SRP72: variants seen among roughly 807,000 people sequenced by gnomAD.
SRP72 encodes signal recognition particle subunit SRP72.
In SRP72, 49 loss-of-function variants were observed where a neutral mutation model predicts 96.3. That is an observed-to-expected ratio of 0.51 (90% CI 0.40 to 0.65). The LOEUF is 0.65. SRP72 is among the 30% of genes least tolerant of loss of function. SRP72 has a pLI of 0.00. For synonymous variants in SRP72, 267 were observed against 275.2 expected (o/e 0.97, Z 0.30); for missense variants, 736 against 793.3 (o/e 0.93, Z 0.87).
intron 3 of SRP72, among the ~76,000 whole-genome samples, chr4:56,472,348 CT>C (rs11332013): frequency 0.38 from 46,365 of 123,058 alleles, 8,567 homozygotes; most frequent in East Asian, 0.61. Context: ...TAAAGTTTTT[CT>C]TTTTTTTTTT....
rs56746539 is a variant in SRP72 at position 56,476,869 on chromosome 4, A to G, written c.642+167A>G. ...TATCAGTTATTTGATGAAGTCTACT[A>G]GAGTGAGAAATCACAATACAAAAAA... is the stretch of plus-strand genomic sequence containing the variant. On this transcript the variant is annotated intron_variant, in intron 6 of 18. Coordinates refer to ENST00000642900, the MANE Select transcript of SRP72 (RefSeq NM_006947.4). The G allele has an allele frequency of 7.6e-4, 485 of 639,648 alleles. 6 individuals carry two copies. In the African/African-American group the frequency reaches 8.4e-3, roughly 11 times the overall value. 39.6% of individuals were successfully genotyped at this position (639,648 alleles called of 1,614,324 possible).
chr4:56,468,547 T>C (rs1449358827), intron 1 of SRP72, among the ~76,000 whole-genome samples: 2 of 152,072 alleles, frequency 1.3e-5, no homozygotes, highest in East Asian at 3.9e-4. Context: ...AGCCTGTGCA[T>C]GTTAGATTTG....
chr4:56,484,051 T>TTTTTTTTTTTTTTTTCC (rs1560682047), intron 9 of SRP72, among the ~76,000 whole-genome samples: 2 of 142,716 alleles, frequency 1.4e-5, no homozygotes, highest in African/African-American at 5.3e-5. Context: ...TTTTTTTTTT[T>TTTTTTTTTTTTTTTTCC]GAGATGGAGT....
At chr4:56,474,534 T>TTC in intron 5 of SRP72, 143 bp downstream of exon 5, 1 of 755,864 alleles carries the variant, frequency 1.3e-6, no homozygotes, top group Admixed American at 3.0e-5. Context: ...CCTGTCGTCT[T>TTC]TCTCTCTCTT....
Position 56,490,689 on chromosome 4 carries a change from A to T in SRP72, c.1502+44A>T, listed in dbSNP as rs370416637. ...TTCCTTACAGCTCCTCAGTAGCACA[A>T]TAGATCTCTTCTGATATCTGTGTTT... On this transcript the variant is annotated intron_variant, in intron 15 of 18. Transcript: ENST00000642900. 7.4e-6 allele frequency: 11 copies of T among 1,482,896 alleles called. No individual in the cohort carries two copies. In the African/African-American group the frequency reaches 1.4e-4, roughly 19 times the overall value. 91.9% of individuals were successfully genotyped at this position (1,482,896 alleles called of 1,614,324 possible).
intron 8 of SRP72, among the ~76,000 whole-genome samples, chr4:56,480,286 T>C (rs1206489056): frequency 2.0e-5 from 3 of 152,062 alleles, no homozygotes; most frequent in African/African-American, 2.4e-5. Context: ...TCCCCCAAGA[T>C]GGAGTCTCTG....
intron 15 of SRP72, 21 bp from the exon 16 acceptor site, chr4:56,491,410 T>C: frequency 1.9e-6 from 3 of 1,610,420 alleles, no homozygotes; most frequent in Non-Finnish European, 1.7e-6. Flanking sequence ...ATTATGTTCC[T>C]GAACTCCTGT....
At chr4:56,468,710 T>A (rs767198812) in intron 1 of SRP72, among the ~76,000 whole-genome samples, 1 of 152,224 alleles carries the variant, frequency 6.6e-6, no homozygotes, top group Non-Finnish European at 1.5e-5. Context: ...GCACTTTTGG[T>A]GATTTCAGAC....
chr4:56,476,775 CTATT>C, intron 6 of SRP72, 73 bp downstream of exon 6: 1 of 1,499,380 alleles, frequency 6.7e-7, no homozygotes, highest in Non-Finnish European at 9.2e-7. Flanking sequence ...CTTCATTGTA[CTATT>C]TATTGACTTT....
Position 56,470,262 on chromosome 4 carries a change from C to T in SRP72, c.230+489C>T, listed in dbSNP as rs561551889. On this transcript the variant is annotated intron_variant, in intron 2 of 18. Transcript: ENST00000642900. ...TATGCATTTGCCTGTATTTGCAAAACAAACAGTATAAAGAGAAACAATGAA... is the reference window on the plus strand; with the variant it reads ...TATGCATTTGCCTGTATTTGCAAAATAAACAGTATAAAGAGAAACAATGAA... Among the ~76,000 whole-genome samples the T allele has an allele frequency of 2.9e-4, 44 of 152,204 alleles. No homozygotes were observed. In the South Asian group the frequency reaches 8.9e-3, roughly 31 times the overall value.
chr4:56,493,276 T>A lies in SRP72; in HGVS notation c.1640+1708T>A, dbSNP rs28401187. On this transcript the variant is annotated intron_variant, in intron 16 of 18. Coordinates refer to ENST00000642900, the MANE Select transcript of SRP72 (RefSeq NM_006947.4). Reference sequence around the variant, plus strand: ...GTCTTGAACTCCTGACCTCAGGTGATCCACCCGCCTCAGCCTCCCAAAGTG... The same window carrying A: ...GTCTTGAACTCCTGACCTCAGGTGAACCACCCGCCTCAGCCTCCCAAAGTG... 6.5e-3 allele frequency among the ~76,000 whole-genome samples: 983 copies of A among 152,070 alleles called. 13 individuals carry two copies. The highest frequency in any genetic ancestry group is 0.022 in the African/African-American group (931 of 41,540).
Position 56,491,521 on chromosome 4 carries a change from G to A in SRP72, c.1593G>A (p.Arg531=), listed in dbSNP as rs758040821. 1 of 1,613,988 alleles carries A rather than the reference G, an allele frequency of 6.2e-7. No individual in the cohort carries two copies. The highest frequency in any genetic ancestry group is 2.2e-5 in the East Asian group (1 of 44,830). ...LENSAGATYI[R]KKGGKVTGDS... is the part of the protein sequence containing the mutation. ...ATTCTGCTGGTGCTACATACATTCG[G>A]AAGAAGGGTGGAAAAGTTACTGGAG... Residue 531 remains arginine, a synonymous_variant, in exon 16 of 19, where the codon CGG becomes CGA. Transcript: ENST00000642900.
chr4:56,494,806 AAATT>A (rs1341906155), intron 16 of SRP72, among the ~76,000 whole-genome samples: 2 of 152,324 alleles, frequency 1.3e-5, no homozygotes, highest in East Asian at 3.9e-4. Context: ...TTACATAAAA[AAATT>A]AATAAACTCA....
Position 56,474,285 on chromosome 4 carries a change from C to T in SRP72, c.504C>T (p.Asn168=), listed in dbSNP as rs753465759. 1.2e-6 allele frequency: 2 copies of T among 1,613,926 alleles called. No homozygotes were observed. Among genetic ancestry groups the T allele is most frequent in the East Asian group, 2.2e-5 (1 of 44,874 alleles). ...QSNWEKVVPE[N]LGLQEGTHEL... is the part of the protein sequence containing the mutation. The stretch of plus-strand genomic sequence containing the variant: ...GGTATTTTGTCCCCTGACAGGAGAA[C>T]CTGGGCCTCCAAGAAGGCACACATG... Residue 168 remains asparagine (N), a synonymous_variant, in exon 5 of 19, where the codon AAC becomes AAT. Coordinates refer to ENST00000642900, the MANE Select transcript of SRP72 (RefSeq NM_006947.4).
intron 3 of SRP72, among the ~76,000 whole-genome samples, chr4:56,473,040 C>T (rs995255546): frequency 2.6e-5 from 4 of 152,064 alleles, no homozygotes; most frequent in African/African-American, 7.2e-5. Context: ...TTTTTCTTAA[C>T]ATTTAATTTT....
chr4:56,497,441 G>A (rs1046113732), intron 17 of SRP72, among the ~76,000 whole-genome samples: 1 of 151,558 alleles, frequency 6.6e-6, no homozygotes, highest in Admixed American at 6.6e-5. Context: ...GGATGGTCTC[G>A]ATCTCCTCAC....
intron 1 of SRP72, 62 bp downstream of exon 1, chr4:56,467,806 G>A: frequency 1.5e-6 from 2 of 1,377,456 alleles, no homozygotes; most frequent in East Asian, 6.0e-5. Context: ...GCCTGTTTCC[G>A]GCGCGCGAGA....
At chr4:56,501,070 G>T (rs942197856) in intron 18 of SRP72, among the ~76,000 whole-genome samples, 1 of 152,144 alleles carries the variant, frequency 6.6e-6, no homozygotes, top group African/African-American at 2.4e-5. Flanking sequence ...AGAAGTGTTA[G>T]AAGTATTAAT....
intron 8 of SRP72, among the ~76,000 whole-genome samples, chr4:56,481,124 C>T (rs976409761): frequency 1.3e-5 from 2 of 152,122 alleles, no homozygotes; most frequent in Non-Finnish European, 2.9e-5. Flanking sequence ...CTAGAAAATA[C>T]GGTTTCTTTA....
Sources: gnomAD v4.1 joint callset for allele counts (sites outside exome capture counted in the v4.1 genomes callset) on GRCh38, gnomAD v4.1.1 for gene constraint, MANE v1.5 for transcripts, NCBI Gene and HGNC (gene_info 2026-07-23, HGNC 2026-07-21) for gene names.